ADGRL1: variants seen among roughly 807,000 people sequenced by gnomAD.
ADGRL1 encodes the protein CIRL-1.
In ADGRL1, 31 loss-of-function variants were observed where a neutral mutation model predicts 148.9. That is an observed-to-expected ratio of 0.21 (90% CI 0.16 to 0.28). The LOEUF is 0.28. ADGRL1 is among the 10% of genes least tolerant of loss of function. The pLI is 1.00. For synonymous variants in ADGRL1, 937 were observed against 900.3 expected, an observed-to-expected ratio of 1.04 and a Z score of -0.73; for missense variants, 1,521 against 2,058.8, an observed-to-expected ratio of 0.74 and a Z score of 5.05.
chr19:14,197,584 TCA>T (rs1568632932), intron 1 of ADGRL1, among the ~76,000 whole-genome samples: 1 of 152,186 alleles, frequency 6.6e-6, no homozygotes, highest in Non-Finnish European at 1.5e-5. Context: ...TGTCTCTCTC[TCA>T]CACACAGTTC....
At chr19:14,171,170 G>T (rs778775632) in intron 3 of ADGRL1, 10 of 201,178 alleles carry the variant, frequency 5.0e-5, no homozygotes, top group Non-Finnish European at 8.2e-5. Flanking sequence ...TGCTGTGATT[G>T]TAAGTTTCCT....
At position 14,157,842 on chromosome 19, in the gene ADGRL1, A is replaced by G; in HGVS notation, c.2535+40T>C. On this transcript the variant is annotated intron_variant, in intron 13 of 22. Transcript: ENST00000361434. This position sits in a 1 kb window ranked among gnomAD's most constrained non-coding sequence, Gnocchi z 7.5. Reference sequence around the variant, plus strand: ...GATGCCATGCAAAGCCAGGCCAGCAATCGGGCCTGCCTGGAGGAGCAGAGC... The same window carrying G: ...GATGCCATGCAAAGCCAGGCCAGCAGTCGGGCCTGCCTGGAGGAGCAGAGC... The G allele has an allele frequency of 1.9e-6, 3 of 1,606,482 alleles. No individual in the cohort carries two copies. Among genetic ancestry groups the G allele is most frequent in the African/African-American group, 2.7e-5 (2 of 74,894 alleles).
chr19:14,157,272 C>G lies in ADGRL1; in HGVS notation c.2724G>C (p.Gly908=). 6.2e-7 allele frequency: 1 copy of G among 1,614,090 alleles called. No individual in the cohort carries two copies. The highest frequency in any genetic ancestry group is 1.3e-5 in the African/African-American group (1 of 75,046). The part of the protein sequence containing the change: ...LFLAELLFLV[G]IDKTQYEIAC... ...CCACCTCATACTGAGTCTTGTCGAT[C>G]CCGACCAGGAAGAGCAGCTCAGCCA... Residue 908 remains glycine, a synonymous_variant, in exon 14 of 23, where the codon GGG becomes GGC. Transcript: ENST00000361434. This position sits in a 1 kb window ranked among gnomAD's most constrained non-coding sequence, Gnocchi z 7.5.
At chr19:14,165,378 G>A (rs538085222) in intron 4 of ADGRL1, among the ~76,000 whole-genome samples, 1 of 152,334 alleles carries the variant, frequency 6.6e-6, no homozygotes, top group African/African-American at 2.4e-5. Flanking sequence ...TGGCATCTGA[G>A]GGGACGTGTT....
chr19:14,162,647 A>G lies in ADGRL1; in HGVS notation c.1154T>C (p.Val385Ala), dbSNP rs773874685. Reference protein sequence around the residue: ...QLYVWNNYFVVRYSLEFGPPD... With the variant: ...QLYVWNNYFVARYSLEFGPPD... ...CGGCCCGAACTCCAGGCTGTAGCGC[A>G]CCACGAAATAGTTGTTCCAGACGTA... The change falls in exon 5 of 23, where the codon GTG (valine) becomes GCG (alanine). Residue 385 changes from valine to alanine, a missense_variant. Transcript: ENST00000361434. This position sits in a 1 kb window ranked among gnomAD's most constrained non-coding sequence, Gnocchi z 5.4. 1.3e-5 allele frequency: 21 copies of G among 1,613,150 alleles called. No homozygotes were observed. The East Asian group carries it at 3.8e-4, about 29-fold the overall frequency.
rs113568179 is a variant in ADGRL1, at chr19:14,194,880, CT to C, written c.-96+11104del. ...TCTTTTTTCTTTCCTTCTTTCTTCT[CT>C]TTTTTTTTTTTTTCCTTTGAGACAG... On this transcript the variant is annotated intron_variant, in intron 1 of 22. Transcript: ENST00000361434. 5.1e-3 allele frequency among the ~76,000 whole-genome samples: 730 copies of C among 142,792 alleles called. 3 individuals carry two copies. Among genetic ancestry groups the C allele is most frequent in the African/African-American group, 0.012 (454 of 38,856 alleles). 93.7% of individuals were successfully genotyped at this position (142,792 alleles called of 152,430 possible). A position where few individuals can be genotyped will look rare whatever the true frequency, so the allele number is the denominator to read the frequency against.
Position 14,162,110 on chromosome 19 carries a change from G to A in ADGRL1, c.1196-484C>T, listed in dbSNP as rs575046306. On this transcript the variant is annotated intron_variant, in intron 5 of 22. Coordinates refer to ENST00000361434, the MANE Select transcript of ADGRL1 (RefSeq NM_014921.5). This position sits in a 1 kb window ranked among gnomAD's most constrained non-coding sequence, Gnocchi z 5.4. ...TTTGCAAACAAGATGGGGTTAGATC[G>A]GGCTCCCTGGAGCCCTGGGGTGGCA... 6.1e-4 allele frequency among the ~76,000 whole-genome samples: 93 copies of A among 152,306 alleles called. No individual in the cohort carries two copies. Among genetic ancestry groups the A allele is most frequent in the African/African-American group, 1.9e-3 (78 of 41,570 alleles).
chr19:14,157,363 C>G lies in ADGRL1; in HGVS notation c.2633G>C (p.Cys878Ser), dbSNP rs1265533523. The change falls in exon 14 of 23, where the codon TGC becomes TCC. Residue 878 changes from cysteine to serine, a missense_variant. Around this residue, in one of 8 missense-constraint regions of ADGRL1, gnomAD observed 265 missense variants for 431.9 expected, o/e 0.61. Coordinates refer to ENST00000361434, the MANE Select transcript of ADGRL1 (RefSeq NM_014921.5). This position sits in a 1 kb window ranked among gnomAD's most constrained non-coding sequence, Gnocchi z 7.5. ...VCLAICISTFCFLRGLQTDRN... is the reference protein window; with the variant it reads ...VCLAICISTFSFLRGLQTDRN... ...GTCGGTCTGCAGCCCCCGCAGGAAG[C>G]AGAAGGTGGAGATGCAGATGGCCAA... 6 of 1,614,084 alleles carry G rather than the reference C, an allele frequency of 3.7e-6. No homozygotes were observed. The highest frequency in any genetic ancestry group is 5.1e-6 in the Non-Finnish European group (6 of 1,180,028).
rs1308771680 is a variant in ADGRL1, at chr19:14,155,607, CG to C, written c.3126-81del. ...CCCAGGCCTCCCCTGCAGCCTACAA[CG>C]GGGGCCCTTGGGTGGGCCTGGGCAC... On this transcript the variant is annotated intron_variant, in intron 17 of 22. Coordinates refer to ENST00000361434, the MANE Select transcript of ADGRL1 (RefSeq NM_014921.5). The surrounding 1 kb of genome is among the most constrained non-coding windows in gnomAD (Gnocchi z 5.0). The C allele has an allele frequency of 1.3e-6, 2 of 1,485,960 alleles. No homozygotes were observed. The highest frequency in any genetic ancestry group is 1.8e-5 in the Admixed American group (1 of 54,582). 92.0% of individuals were successfully genotyped at this position (1,485,960 alleles called of 1,614,324 possible).
chr19:14,159,394 C>T lies in ADGRL1; in HGVS notation c.2023+7G>A. ...CTGAGTTTGCCCTGGGTGACTGTGGCACTCACCCACGTTCTCCTTGGCAGC... is the reference window on the plus strand; with the variant it reads ...CTGAGTTTGCCCTGGGTGACTGTGGTACTCACCCACGTTCTCCTTGGCAGC... On this transcript the variant is annotated splice_region_variant and intron_variant, in intron 10 of 22. Transcript: ENST00000361434. This position sits in a 1 kb window ranked among gnomAD's most constrained non-coding sequence, Gnocchi z 6.0. 3.7e-6 allele frequency: 6 copies of T among 1,602,706 alleles called. No homozygotes were observed. Among genetic ancestry groups the T allele is most frequent in the Non-Finnish European group, 5.1e-6 (6 of 1,172,866 alleles).
chr19:14,187,417 C>T (rs1971641991), intron 1 of ADGRL1, among the ~76,000 whole-genome samples: 3 of 152,136 alleles, frequency 2.0e-5, no homozygotes, highest in South Asian at 2.1e-4. Context: ...GGTCCAGACC[C>T]CAGTCTCCTC....
intron 1 of ADGRL1, among the ~76,000 whole-genome samples, chr19:14,184,799 C>T (rs1971482372): frequency 6.6e-6 from 1 of 151,812 alleles, no homozygotes; most frequent in African/African-American, 2.4e-5. Flanking sequence ...ACCAACACGC[C>T]CGGCTAATTT....
intron 22 of ADGRL1, 91 bp from the exon 23 acceptor site, chr19:14,151,706 G>C: frequency 7.8e-7 from 1 of 1,276,950 alleles, no homozygotes; most frequent in Admixed American, 2.3e-5. Flanking sequence ...GGAGAAGTGG[G>C]CTTGATTCCT....
rs984644917 is a variant in ADGRL1 at position 14,149,603 on chromosome 19, G to A, written c.*1270C>T. The stretch of plus-strand genomic sequence containing the variant: ...CCGGTGGGGAGGGAAGGGGGAGACA[G>A]GCCTCTGGTCCTGGGGCAGGCAGTG... On this transcript the variant is annotated 3_prime_UTR_variant, in exon 23 of 23. Coordinates refer to ENST00000361434, the MANE Select transcript of ADGRL1 (RefSeq NM_014921.5). 6.5e-6 allele frequency: 1 copy of A among 152,774 alleles called. No homozygotes were observed. The highest frequency in any genetic ancestry group is 2.4e-5 in the African/African-American group (1 of 41,448). 9.5% of individuals were successfully genotyped at this position (152,774 alleles called of 1,614,324 possible).
Position 14,150,772 on chromosome 19 carries a change from C to T in ADGRL1, c.*101G>A. 7.1e-7 allele frequency: 1 copy of T among 1,415,828 alleles called. No homozygotes were observed. The highest frequency in any genetic ancestry group is 9.6e-7 in the Non-Finnish European group (1 of 1,045,730). 87.7% of individuals were successfully genotyped at this position (1,415,828 alleles called of 1,614,324 possible). A position where few individuals can be genotyped will look rare whatever the true frequency, so the allele number is the denominator to read the frequency against. ...GCTGAGGGGCACCTGGAGAGAGTGG[C>T]CCACCAGCCACTGCCTCCATCTGTC... On this transcript the variant is annotated 3_prime_UTR_variant, in exon 23 of 23. Coordinates refer to ENST00000361434, the MANE Select transcript of ADGRL1 (RefSeq NM_014921.5).
At position 14,159,978 on chromosome 19, in the gene ADGRL1, G is replaced by T. The variant is rs1001602910; in HGVS notation, c.1800+134C>A. On this transcript the variant is annotated intron_variant, in intron 8 of 22. Coordinates refer to ENST00000361434, the MANE Select transcript of ADGRL1 (RefSeq NM_014921.5). The surrounding 1 kb of genome is among the most constrained non-coding windows in gnomAD (Gnocchi z 6.0). ...GAGACCCGGCAGTCCTTGGCGGAGA[G>T]GGGGGGGTCCTTCCTCTCTGAGGAA... 1.4e-5 allele frequency: 14 copies of T among 1,024,214 alleles called. No homozygotes were observed. Among genetic ancestry groups the T allele is most frequent in the East Asian group, 5.2e-5 (2 of 38,482 alleles). The allele number at this position is 1,024,214 out of a possible 1,614,324, so 63.4% of individuals were successfully genotyped here. A position where few individuals can be genotyped will look rare whatever the true frequency, so the allele number is the denominator to read the frequency against.
intron 18 of ADGRL1, among the ~76,000 whole-genome samples, chr19:14,154,182 C>T (rs1353989240): frequency 6.6e-6 from 1 of 152,018 alleles, no homozygotes; most frequent in Non-Finnish European, 1.5e-5. Context: ...TGCCTTTGAC[C>T]GTGTGTCCAA....
At position 14,161,188 on chromosome 19, in the gene ADGRL1, G is replaced by C; in HGVS notation, c.1510+124C>G. The C allele has an allele frequency of 5.1e-6, 5 of 974,342 alleles. No homozygotes were observed. The highest frequency in any genetic ancestry group is 7.2e-6 in the Non-Finnish European group (5 of 694,140). 60.4% of individuals were successfully genotyped at this position (974,342 alleles called of 1,614,324 possible). A position where few individuals can be genotyped will look rare whatever the true frequency, so the allele number is the denominator to read the frequency against. On this transcript the variant is annotated intron_variant, in intron 6 of 22. Coordinates refer to ENST00000361434, the MANE Select transcript of ADGRL1 (RefSeq NM_014921.5). This position sits in a 1 kb window ranked among gnomAD's most constrained non-coding sequence, Gnocchi z 4.4. ...CCCTGAGAGCTCTGCTGGTCACTGGGGATGACCCCTGCCCTCAGAAAACCT... is the reference window on the plus strand; with the variant it reads ...CCCTGAGAGCTCTGCTGGTCACTGGCGATGACCCCTGCCCTCAGAAAACCT...
At position 14,150,947 on chromosome 19, in the gene ADGRL1, A is replaced by T. The variant is rs776977799; in HGVS notation, c.4336T>A (p.Tyr1446Asn). 1 of 1,610,032 alleles carries T rather than the reference A, an allele frequency of 6.2e-7. No individual in the cohort carries two copies. Among genetic ancestry groups the T allele is most frequent in the Non-Finnish European group, 8.5e-7 (1 of 1,178,982 alleles). Reference sequence around the variant, plus strand: ...CCCTCAAGGCCTGGGGCTGCCAGGTAGCCCTCGTGGCTAGGACGCCGCACC... The same window carrying T: ...CCCTCAAGGCCTGGGGCTGCCAGGTTGCCCTCGTGGCTAGGACGCCGCACC... ...YQVRRPSHEG[Y>N]LAAPGLEGPG... Residue 1446 changes from tyrosine (Y) to asparagine (N), a missense_variant, in exon 23 of 23, where the codon TAC becomes AAC. By Grantham distance (143) the Tyr-to-Asn change is moderately radical. Around this residue, in one of 8 missense-constraint regions of ADGRL1, gnomAD observed 390 missense variants for 375.0 expected, o/e 1.04. Transcript: ENST00000361434.
Sources: allele counts gnomAD v4.1 joint callset (sites outside exome capture counted in the v4.1 genomes callset), GRCh38; gene constraint gnomAD v4.1.1; regional missense constraint gnomAD v4.1.1; non-coding constraint Gnocchi (gnomAD v3.1); transcripts MANE v1.5; gene names NCBI Gene and HGNC (gene_info 2026-07-23, HGNC 2026-07-21).